The following PCDHGB4 variants were observed in gnomAD, a reference collection of about 807,000 sequenced individuals.
PCDHGB4 encodes the protein protocadherin gamma subfamily B, 4, also known as protocadherin gamma-B4.
In PCDHGB4, 38 loss-of-function variants were observed where a neutral mutation model predicts 60.5. The ratio of observed to expected loss-of-function variants is 0.63; its 90% confidence interval spans 0.48 to 0.82. The LOEUF is 0.82. PCDHGB4 is among the 40% of genes least tolerant of loss of function. The probability of loss-of-function intolerance (pLI) is 0.00; values close to 1 mark genes in which losing one functional copy is unlikely to be tolerated. For synonymous variants in PCDHGB4, 456 were observed against 509.7 expected, an observed-to-expected ratio of 0.89 and a Z score of 1.42; for missense variants, 1,109 against 1,209.6, an observed-to-expected ratio of 0.92 and a Z score of 1.23.
intron 1 of PCDHGB4, chr5:141,397,962 A>T: frequency 1.9e-6 from 2 of 1,037,030 alleles, no homozygotes; most frequent in Admixed American, 2.9e-5. Context: ...CCCAGCTCAG[A>T]CTCCCCAGCG....
intron 1 of PCDHGB4, among the ~76,000 whole-genome samples, chr5:141,444,150 GGATTT>G (rs2098419598): frequency 1.8e-5 from 2 of 114,012 alleles, no homozygotes; most frequent in Non-Finnish European, 3.5e-5. Flanking sequence ...TGTGTGTACT[GGATTT>G]TTTTTTTTTT....
At chr5:141,423,006 T>G (rs746057587) in intron 1 of PCDHGB4, 12 of 1,614,078 alleles carry the variant, frequency 7.4e-6, no homozygotes, top group African/African-American at 1.3e-5. Context: ...CCAAGGTGGT[T>G]GCGGTGGACA....
intron 1 of PCDHGB4, chr5:141,408,246 A>C: frequency 6.3e-7 from 1 of 1,590,754 alleles, no homozygotes; most frequent in Non-Finnish European, 8.6e-7. Flanking sequence ...GGCCCGCGGC[A>C]GGTGCTATTT....
At chr5:141,473,270 T>C (rs538574742) in intron 1 of PCDHGB4, among the ~76,000 whole-genome samples, 4 of 152,326 alleles carry the variant, frequency 2.6e-5, no homozygotes, top group African/African-American at 9.6e-5. Context: ...GTGTATGCTA[T>C]GATTATTTTA....
In PCDHGB4 at chr5:141,476,291, G is replaced by T. The variant is rs1385060012; in HGVS notation, c.2398-18516G>T. The stretch of plus-strand genomic sequence containing the variant: ...GGTCGCGAACCTTGGTTTGGATCTC[G>T]GTAGCCTCTCAGCCCGCAGGTTCCG... On this transcript the variant is annotated intron_variant, in intron 1 of 3. Coordinates refer to ENST00000519479, the MANE Select transcript of PCDHGB4 (RefSeq NM_003736.4). This position sits in a 1 kb window ranked among gnomAD's most constrained non-coding sequence, Gnocchi z 7.6. 4 of 1,614,128 alleles carry T rather than the reference G, an allele frequency of 2.5e-6. No homozygotes were observed. Among genetic ancestry groups the T allele is most frequent in the South Asian group, 1.1e-5 (1 of 91,072 alleles).
At chr5:141,459,156 T>C (rs920698328) in intron 1 of PCDHGB4, among the ~76,000 whole-genome samples, 1 of 152,188 alleles carries the variant, frequency 6.6e-6, no homozygotes, top group Non-Finnish European at 1.5e-5. Flanking sequence ...ATATAGAACA[T>C]TTCTATAACC....
chr5:141,424,519 A>T (rs1216899186), intron 1 of PCDHGB4: 1 of 152,222 alleles, frequency 6.6e-6, no homozygotes, highest in African/African-American at 2.4e-5. Context: ...TTAATGTAGT[A>T]AATCCATATA....
In PCDHGB4 at chr5:141,394,244, C is replaced by T. The variant is rs371631729; in HGVS notation, c.2397+3963C>T. On this transcript the variant is annotated intron_variant, in intron 1 of 3. Coordinates refer to ENST00000519479, the MANE Select transcript of PCDHGB4 (RefSeq NM_003736.4). ...CCTCCATCTTTTCCTTGACTGCACA[C>T]GACCCCGACAGCCAGGAGAATGCCC... The T allele has an allele frequency of 1.5e-5, 25 of 1,613,938 alleles. No homozygotes were observed. In the African/African-American group the frequency reaches 2.3e-4, roughly 15 times the overall value.
rs757691247 is a variant in PCDHGB4 at position 141,399,920 on chromosome 5, C to T, written c.2397+9639C>T. On this transcript the variant is annotated intron_variant, in intron 1 of 3. Coordinates refer to ENST00000519479, the MANE Select transcript of PCDHGB4 (RefSeq NM_003736.4). ...GTGGACGCAGACTCAGGACACAACG[C>T]CTGGCTGTCCTACCACGTGCTGCAG... is the stretch of plus-strand genomic sequence containing the variant. 1.2e-5 allele frequency: 20 copies of T among 1,612,216 alleles called. No homozygotes were observed. The South Asian group carries it at 2.1e-4, about 17-fold the overall frequency.
chr5:141,423,219 T>G (rs775170753), intron 1 of PCDHGB4: 4 of 1,613,752 alleles, frequency 2.5e-6, no homozygotes, highest in Non-Finnish European at 3.4e-6. Context: ...TCACCGTGGC[T>G]GTGGCCGACA....
chr5:141,408,743 A>G (rs764671808), intron 1 of PCDHGB4: 13 of 1,610,030 alleles, frequency 8.1e-6, no homozygotes, highest in African/African-American at 2.7e-5. Flanking sequence ...TTTTTCATTA[A>G]TGGTTAGAGT....
intron 2 of PCDHGB4, among the ~76,000 whole-genome samples, chr5:141,504,078 CCAAA>C (rs1272625151): frequency 6.6e-6 from 1 of 152,078 alleles, no homozygotes; most frequent in South Asian, 2.1e-4. Context: ...CCAGATGGTG[CCAAA>C]CAGTTACCTA....
chr5:141,408,974 G>C lies in PCDHGB4; in HGVS notation c.2397+18693G>C, dbSNP rs899313364. 8.7e-6 allele frequency: 14 copies of C among 1,613,690 alleles called. No individual in the cohort carries two copies. In the African/African-American group the frequency reaches 1.9e-4, roughly 22 times the overall value. On this transcript the variant is annotated intron_variant, in intron 1 of 3. Transcript: ENST00000519479. ...TAGTCTTAGTGAAAATCTGCCCCCT[G>C]GGTCCCCTGTGTTGCAAGTGACAGC...
chr5:141,389,093 G>A lies in PCDHGB4; in HGVS notation c.1209G>A (p.Val403=). The change falls in exon 1 of 4, where the codon GTG becomes GTA. Residue 403 remains valine (V), a synonymous_variant. Coordinates refer to ENST00000519479, the MANE Select transcript of PCDHGB4 (RefSeq NM_003736.4). ...LTSSRNTYKL[V]TDAVLDREQN... Reference sequence around the variant, plus strand: ...CTTCAAGAAACACGTATAAATTAGTGACAGATGCTGTTCTAGACCGCGAGC... The same window carrying A: ...CTTCAAGAAACACGTATAAATTAGTAACAGATGCTGTTCTAGACCGCGAGC... The A allele has an allele frequency of 6.2e-7, 1 of 1,614,018 alleles. No homozygotes were observed. Among genetic ancestry groups the A allele is most frequent in the Non-Finnish European group, 8.5e-7 (1 of 1,179,888 alleles).
At chr5:141,402,976 G>C in intron 1 of PCDHGB4, 5 of 1,608,120 alleles carry the variant, frequency 3.1e-6, no homozygotes, top group Non-Finnish European at 4.2e-6. Context: ...CCAAATGCCA[G>C]CTCCGCGGAA....
At chr5:141,408,763 T>C in intron 1 of PCDHGB4, 1 of 1,611,150 alleles carries the variant, frequency 6.2e-7, no homozygotes. Context: ...TTAATTCCGA[T>C]GGTGGCAAAT....
At chr5:141,422,638 T>C (rs1412270971) in intron 1 of PCDHGB4, 1 of 1,612,392 alleles carries the variant, frequency 6.2e-7, no homozygotes, top group Non-Finnish European at 8.5e-7. Context: ...CAGGGGTGCC[T>C]CCATCTTCTC....
intron 1 of PCDHGB4, chr5:141,422,654 C>T: frequency 1.2e-6 from 2 of 1,610,030 alleles, no homozygotes; most frequent in Non-Finnish European, 1.7e-6. Flanking sequence ...TTCTCAGTGA[C>T]CGCCCTCGAC....
chr5:141,394,127 C>T lies in PCDHGB4; in HGVS notation c.2397+3846C>T, dbSNP rs376102299. 4.0e-5 allele frequency: 64 copies of T among 1,613,960 alleles called. No homozygotes were observed. The African/African-American group carries it at 7.1e-4, about 18-fold the overall frequency. ...CACCTCTGTCCACTGAAACTCAAAT[C>T]GCTCTGCACGTGGCAGACATTAACG... is the stretch of plus-strand genomic sequence containing the variant. On this transcript the variant is annotated intron_variant, in intron 1 of 3. Transcript: ENST00000519479.
Sources: allele counts gnomAD v4.1 joint callset (sites outside exome capture counted in the v4.1 genomes callset), GRCh38; gene constraint gnomAD v4.1.1; non-coding constraint Gnocchi (gnomAD v3.1); transcripts MANE v1.5; gene names NCBI Gene and HGNC (gene_info 2026-07-23, HGNC 2026-07-21).